The following NKAIN2 variants were observed in gnomAD, a reference collection of about 807,000 sequenced individuals.
NKAIN2 encodes the protein sodium/potassium-transporting ATPase subunit beta-1-interacting protein 2.
In NKAIN2, 14 loss-of-function variants were observed where a neutral mutation model predicts 32.6. The ratio of observed to expected loss-of-function variants is 0.43; its 90% CI spans 0.28 to 0.67. The LOEUF (loss-of-function observed/expected upper bound fraction) is 0.67, where lower values mean the gene tolerates loss of function less well. Among genes scored for constraint, NKAIN2 ranks in the 30% least tolerant of loss-of-function variants. NKAIN2 has a pLI of 0.17. For synonymous variants in NKAIN2, 80 were observed against 87.2 expected, an observed-to-expected ratio of 0.92 and a Z score of 0.46; for missense variants, 198 against 258.3, an observed-to-expected ratio of 0.77 and a Z score of 1.60.
chr6:124,532,532 A>C (rs1292428314), intron 3 of NKAIN2, among the ~76,000 whole-genome samples: 1 of 152,092 alleles, frequency 6.6e-6, no homozygotes, highest in Non-Finnish European at 1.5e-5. Flanking sequence ...ATTGACAGAG[A>C]CCTTCAACCT....
At chr6:124,227,357 A>G (rs1358478146) in intron 1 of NKAIN2, among the ~76,000 whole-genome samples, 1 of 152,212 alleles carries the variant, frequency 6.6e-6, no homozygotes, top group Non-Finnish European at 1.5e-5. Context: ...AAGTAGAGCT[A>G]TAACATTGCT....
At chr6:124,407,661 T>C (rs1369817928) in intron 3 of NKAIN2, among the ~76,000 whole-genome samples, 2 of 152,052 alleles carry the variant, frequency 1.3e-5, no homozygotes, top group Non-Finnish European at 2.9e-5. Flanking sequence ...AACATACGTG[T>C]GCATGTGTCT....
intron 1 of NKAIN2, among the ~76,000 whole-genome samples, chr6:123,922,629 A>T (rs1489415700): frequency 6.6e-6 from 1 of 152,176 alleles, no homozygotes; most frequent in African/African-American, 2.4e-5. Flanking sequence ...TGCAACAGTT[A>T]TAAAATATAG....
At chr6:124,304,148 G>T (rs1796416003) in intron 2 of NKAIN2, among the ~76,000 whole-genome samples, 1 of 152,158 alleles carries the variant, frequency 6.6e-6, no homozygotes, top group African/African-American at 2.4e-5. Context: ...GGATACTAGA[G>T]ACACGGTAGA....
rs902740393 is a variant in NKAIN2 at position 123,923,750 on chromosome 6, A to C, written c.54+119496A>C. On this transcript the variant is annotated intron_variant, in intron 1 of 6. Transcript: ENST00000368417. ...GGTGGGAATTGAACAATGAGATCAC[A>C]TGGACACAGGAAGGGGAACATCACA... 7.4e-5 allele frequency among the ~76,000 whole-genome samples: 10 copies of C among 135,584 alleles called. No homozygotes were observed. The East Asian group carries it at 1.8e-3, about 25-fold the overall frequency. 88.9% of individuals were successfully genotyped at this position (135,584 alleles called of 152,430 possible).
intron 3 of NKAIN2, among the ~76,000 whole-genome samples, chr6:124,506,755 A>C (rs1364457059): frequency 3.9e-5 from 6 of 152,214 alleles, no homozygotes; most frequent in Admixed American, 3.9e-4. Context: ...AAATGTACCT[A>C]CACTAGCTAG....
intron 4 of NKAIN2, among the ~76,000 whole-genome samples, chr6:124,783,351 A>G (rs1463181198): frequency 6.6e-6 from 1 of 152,216 alleles, no homozygotes; most frequent in Non-Finnish European, 1.5e-5. Flanking sequence ...TTCCCAACTT[A>G]AATAGATAAT....
chr6:124,725,654 A>C (rs1776247902), intron 4 of NKAIN2, among the ~76,000 whole-genome samples: 1 of 152,206 alleles, frequency 6.6e-6, no homozygotes, highest in Non-Finnish European at 1.5e-5. Context: ...TCAGTTGTTT[A>C]AACTCCAGAA....
intron 3 of NKAIN2, among the ~76,000 whole-genome samples, chr6:124,504,109 A>G (rs1778389686): frequency 6.6e-6 from 1 of 152,138 alleles, no homozygotes; most frequent in Non-Finnish European, 1.5e-5. Context: ...ATGTATACAC[A>G]TATATGAATT....
At chr6:124,529,931 G>C (rs1779458204) in intron 3 of NKAIN2, among the ~76,000 whole-genome samples, 1 of 152,154 alleles carries the variant, frequency 6.6e-6, no homozygotes, top group African/African-American at 2.4e-5. Flanking sequence ...GGACATTTGG[G>C]AGTAATTGGT....
chr6:124,244,102 T>TA (rs1793261176), intron 1 of NKAIN2, among the ~76,000 whole-genome samples: 1 of 151,674 alleles, frequency 6.6e-6, no homozygotes, highest in Non-Finnish European at 1.5e-5. Context: ...TCTTTTTTTT[T>TA]ATTATACTTT....
chr6:124,375,467 ATGAAT>A (rs147147886), intron 3 of NKAIN2, among the ~76,000 whole-genome samples: 14,234 of 148,626 alleles, frequency 0.096, 802 homozygotes, highest in East Asian at 0.15. Context: ...ACATAAACTA[ATGAAT>A]TGATAATGCG....
intron 3 of NKAIN2, among the ~76,000 whole-genome samples, chr6:124,468,665 TATTA>T (rs1353898666): frequency 6.6e-6 from 1 of 152,204 alleles, no homozygotes; most frequent in East Asian, 1.9e-4. Context: ...ATAATGGCTC[TATTA>T]ATTATTTACA....
rs9688354 is a variant in NKAIN2 at position 124,347,240 on chromosome 6, C to A, written c.193-8027C>A. Among the ~76,000 whole-genome samples the A allele has an allele frequency of 3.3e-5, 5 of 150,668 alleles. No individual in the cohort carries two copies. In the South Asian group the frequency reaches 6.4e-4, roughly 19 times the overall value. Reference sequence around the variant, plus strand: ...GATGGGCTTCCCTTTGTGGGTAACCCGACCTTTCTCTCTGGCTGCCTTTAA... The same window carrying A: ...GATGGGCTTCCCTTTGTGGGTAACCAGACCTTTCTCTCTGGCTGCCTTTAA... On this transcript the variant is annotated intron_variant, in intron 2 of 6. Transcript: ENST00000368417.
At chr6:124,159,278 A>C (rs915917666) in intron 1 of NKAIN2, among the ~76,000 whole-genome samples, 2 of 152,184 alleles carry the variant, frequency 1.3e-5, no homozygotes, top group Admixed American at 1.3e-4. Context: ...ATGGATTAAC[A>C]TCTTTATGTT....
intron 4 of NKAIN2, among the ~76,000 whole-genome samples, chr6:124,770,154 A>C (rs1025939253): frequency 6.6e-6 from 1 of 152,170 alleles, no homozygotes; most frequent in African/African-American, 2.4e-5. Context: ...AACAAACTAA[A>C]CATTACTTTA....
At chr6:123,953,716 C>G (rs1777432256) in intron 1 of NKAIN2, among the ~76,000 whole-genome samples, 1 of 152,150 alleles carries the variant, frequency 6.6e-6, no homozygotes. Flanking sequence ...GGAGCCAGGC[C>G]TAGTAGACCT....
intron 3 of NKAIN2, among the ~76,000 whole-genome samples, chr6:124,564,268 CT>C (rs1780814542): frequency 8.3e-6 from 1 of 119,798 alleles, no homozygotes; most frequent in African/African-American, 4.1e-5. Context: ...GCAATCAGCA[CT>C]CTGTGTCTAG....
At chr6:124,043,416 A>G (rs938050803) in intron 1 of NKAIN2, among the ~76,000 whole-genome samples, 9 of 152,200 alleles carry the variant, frequency 5.9e-5, no homozygotes, top group Admixed American at 2.6e-4. Context: ...AAACGTTCTC[A>G]GATTGTCCAC....
Sources: gnomAD v4.1 joint callset for allele counts (sites outside exome capture counted in the v4.1 genomes callset) on GRCh38, gnomAD v4.1.1 for gene constraint, MANE v1.5 for transcripts, NCBI Gene and HGNC (gene_info 2026-07-23, HGNC 2026-07-21) for gene names.